ZNF384: variants seen among roughly 807,000 people sequenced by gnomAD.
ZNF384 encodes the protein zinc finger protein 384.
A neutral mutation model predicts 65.0 loss-of-function variants in ZNF384; 20 were observed. The ratio of observed to expected loss-of-function variants is 0.31; its 90% CI spans 0.22 to 0.45. The LOEUF (loss-of-function observed/expected upper bound fraction) is 0.45. Among genes scored for constraint, ZNF384 ranks in the 20% least tolerant of loss-of-function variants. The pLI is 1.00. For missense variants in ZNF384, 549 were observed against 769.4 expected, an observed-to-expected ratio of 0.71 and a Z score of 3.39; for synonymous variants, 310 against 303.9, an observed-to-expected ratio of 1.02 and a Z score of -0.21.
chr12:6,667,349 G>T lies in ZNF384; in HGVS notation c.*365C>A. ...AGGGCCAGCCTCTAGTCTTACATCA[G>T]CCCAAACTTTGAGGATAAGGAGGGT... On this transcript the variant is annotated 3_prime_UTR_variant, in exon 12 of 12. Transcript: ENST00000683879. 2.3e-6 allele frequency: 1 copy of T among 432,836 alleles called. No individual in the cohort carries two copies. Among genetic ancestry groups the T allele is most frequent in the Non-Finnish European group, 4.3e-6 (1 of 231,372 alleles). The allele number at this position is 432,836 out of a possible 1,614,324, so 26.8% of individuals were successfully genotyped here.
At chr12:6,679,908 G>C (rs1955274499) in intron 2 of ZNF384, among the ~76,000 whole-genome samples, 1 of 152,164 alleles carries the variant, frequency 6.6e-6, no homozygotes, top group African/African-American at 2.4e-5. Flanking sequence ...CTTGAAAACG[G>C]CCAGGTGCCA....
Position 6,668,102 on chromosome 12 carries a change from A to T in ZNF384, c.1439T>A (p.Met480Lys). The T allele has an allele frequency of 6.3e-7, 1 of 1,594,768 alleles. No homozygotes were observed. The highest frequency in any genetic ancestry group is 8.6e-7 in the Non-Finnish European group (1 of 1,168,994). Residue 480 changes from methionine (M) to lysine (K), a missense_variant, in exon 12 of 12, where the codon ATG becomes AAG. This residue lies in a region of ZNF384 where 136 missense variants were observed against 183.0 expected (regional missense o/e 0.74). Transcript: ENST00000683879. Reference protein sequence around the residue: ...SRAYTSETYLMKHMRKHNPPD... With the variant: ...SRAYTSETYLKKHMRKHNPPD... ...CGGGTTGTGTTTGCGCATATGTTTCATAAGGTATGTTTCCTGAGGGAGATG... is the reference window on the plus strand; with the variant it reads ...CGGGTTGTGTTTGCGCATATGTTTCTTAAGGTATGTTTCCTGAGGGAGATG...
At position 6,673,470 on chromosome 12, in the gene ZNF384, C is replaced by T; in HGVS notation, c.780-30G>A. ...GCCAAGTGAGGGCAATGGTTAGAAC[C>T]CTTCCCATCAAGAAGGTGTGGCTGA... is the stretch of plus-strand genomic sequence containing the variant. On this transcript the variant is annotated intron_variant, in intron 7 of 11. Transcript: ENST00000683879. The surrounding 1 kb of genome is among the most constrained non-coding windows in gnomAD (Gnocchi z 4.7). 1 of 1,602,750 alleles carries T rather than the reference C, an allele frequency of 6.2e-7. No individual in the cohort carries two copies. The highest frequency in any genetic ancestry group is 8.5e-7 in the Non-Finnish European group (1 of 1,171,956).
In ZNF384 at chr12:6,669,139, A is replaced by G; in HGVS notation, c.1317T>C (p.Cys439=). ...AGGCTGCATCCGTGTACGCCCGATG[A>G]CAGTTGTGGCACTTGAAGGGTTTAT... The part of the protein sequence containing the change: ...NKDKPFKCHN[C]HRAYTDAASL... The change falls in exon 11 of 12, where the codon TGT becomes TGC. Residue 439 remains cysteine (C), a synonymous_variant. Coordinates refer to ENST00000683879, the MANE Select transcript of ZNF384 (RefSeq NM_001385745.1). 6.2e-7 allele frequency: 1 copy of G among 1,613,766 alleles called. No individual in the cohort carries two copies. Among genetic ancestry groups the G allele is most frequent in the Non-Finnish European group, 8.5e-7 (1 of 1,179,816 alleles).
At chr12:6,670,663 G>C in intron 10 of ZNF384, 97 bp downstream of exon 10, 1 of 1,135,210 alleles carries the variant, frequency 8.8e-7, no homozygotes. Flanking sequence ...TAATGTTTGA[G>C]TGTAAAGGAG....
chr12:6,684,037 A>C (rs1311507767), intron 2 of ZNF384, among the ~76,000 whole-genome samples: 1 of 152,196 alleles, frequency 6.6e-6, no homozygotes, highest in African/African-American at 2.4e-5. Flanking sequence ...ACTGGTGGAC[A>C]ATATCACCAC....
At chr12:6,671,828 C>T (rs1179819871) in intron 9 of ZNF384, 1 of 153,218 alleles carries the variant, frequency 6.5e-6, no homozygotes, top group African/African-American at 2.4e-5. Context: ...TGCTGATTCT[C>T]TCTGAACATT....
intron 2 of ZNF384, among the ~76,000 whole-genome samples, chr12:6,681,911 A>G (rs112936609): frequency 0.031 from 4,645 of 152,276 alleles, 86 homozygotes; most frequent in Admixed American, 0.045. Flanking sequence ...GTATACATCA[A>G]TTCTGTTTTC....
At chr12:6,671,760 G>A (rs1010417985) in intron 9 of ZNF384, 5 of 152,600 alleles carry the variant, frequency 3.3e-5, no homozygotes, top group African/African-American at 1.2e-4. Flanking sequence ...AGTCACTCCA[G>A]ATTCACGGGA....
At chr12:6,682,310 A>C (rs1956274486) in intron 2 of ZNF384, among the ~76,000 whole-genome samples, 1 of 148,268 alleles carries the variant, frequency 6.7e-6, no homozygotes, top group African/African-American at 2.5e-5. Flanking sequence ...ACAGAGCAAG[A>C]CCCCAACTCC....
In ZNF384 at chr12:6,678,738, C is replaced by A. The variant is rs745683432; in HGVS notation, c.305-28G>T. On this transcript the variant is annotated intron_variant, in intron 4 of 11. Transcript: ENST00000683879. The surrounding 1 kb of genome is among the most constrained non-coding windows in gnomAD (Gnocchi z 4.9). ...TGATTCAGAGAAGGAAAGAATGTCA[C>A]CTCCTCAAAGGCAGGGACCGCATCT... The A allele has an allele frequency of 2.5e-6, 4 of 1,613,418 alleles. No homozygotes were observed. Among genetic ancestry groups the A allele is most frequent in the Non-Finnish European group, 3.4e-6 (4 of 1,179,426 alleles).
intron 2 of ZNF384, among the ~76,000 whole-genome samples, chr12:6,684,859 C>T (rs568928846): frequency 1.3e-5 from 2 of 152,208 alleles, no homozygotes; most frequent in East Asian, 3.9e-4. Context: ...TGTAACAGGG[C>T]GTTCTGGGGC....
Position 6,667,846 on chromosome 12 carries a change from C to T in ZNF384, c.1695G>A (p.Gly565=). The change falls in exon 12 of 12, where the codon GGG becomes GGA. Residue 565 remains glycine (G), a synonymous_variant. Transcript: ENST00000683879. ...PGAAPQGGGG[G]DSNPNPPPQC... is the part of the protein sequence containing the mutation. ...GGGGTGGAGGGTTGGGATTGCTGTC[C>T]CCACCACCCCCACCCTGGGGGGCTG... is the stretch of plus-strand genomic sequence containing the variant. The T allele has an allele frequency of 1.2e-6, 2 of 1,614,110 alleles. No homozygotes were observed. The highest frequency in any genetic ancestry group is 2.2e-5 in the East Asian group (1 of 44,870).
intron 3 of ZNF384, 128 bp downstream of exon 3, chr12:6,679,327 G>C: frequency 1.6e-6 from 2 of 1,217,626 alleles, no homozygotes; most frequent in Non-Finnish European, 1.2e-6. Flanking sequence ...GAGAAGCCCA[G>C]GCAGAAACAC....
chr12:6,668,699 C>CT (rs1950404839), intron 11 of ZNF384, among the ~76,000 whole-genome samples: 2 of 145,038 alleles, frequency 1.4e-5, no homozygotes, highest in African/African-American at 5.2e-5. Context: ...CAGGGCGAGA[C>CT]TGTGTCTCAA....
Position 6,672,389 on chromosome 12 carries a change from T to G in ZNF384, c.1148A>C (p.Lys383Thr), listed in dbSNP as rs1951838108. Residue 383 changes from lysine to threonine, a missense_variant, in exon 9 of 12, where the codon AAG becomes ACG. By Grantham distance (78) the Lys-to-Thr change is moderately conservative (BLOSUM62 -1). Around this residue, in one of 5 missense-constraint regions of ZNF384, gnomAD observed 59 missense variants for 63.6 expected, o/e 0.93. Coordinates refer to ENST00000683879, the MANE Select transcript of ZNF384 (RefSeq NM_001385745.1). This position sits in a 1 kb window ranked among gnomAD's most constrained non-coding sequence, Gnocchi z 4.4. ...AKPYNCSYCQ[K>T]AFRQLSHLQQ... ...GAGGTGGGAGAGCTGGCGGAAGGCC[T>G]TCTGGCAGTAGGAACAGTTGTAGGG... 3.1e-6 allele frequency: 5 copies of G among 1,614,094 alleles called. No homozygotes were observed. Among genetic ancestry groups the G allele is most frequent in the Non-Finnish European group, 4.2e-6 (5 of 1,179,928 alleles).
At chr12:6,674,395 G>A (rs929245064) in intron 7 of ZNF384, among the ~76,000 whole-genome samples, 2 of 152,160 alleles carry the variant, frequency 1.3e-5, no homozygotes, top group East Asian at 1.9e-4. Flanking sequence ...TTTCATTTTC[G>A]TAAACAATTC....
intron 2 of ZNF384, among the ~76,000 whole-genome samples, chr12:6,686,335 C>A (rs949331738): frequency 2.0e-5 from 3 of 152,150 alleles, no homozygotes; most frequent in African/African-American, 7.2e-5. Context: ...CTCACTGCAA[C>A]CTCCACCTCC....
At chr12:6,687,158 TA>T (rs1447652714) in intron 2 of ZNF384, among the ~76,000 whole-genome samples, 1 of 152,164 alleles carries the variant, frequency 6.6e-6, no homozygotes. Context: ...CCAGTATCCA[TA>T]AACTCTTCCA....
Sources: allele counts gnomAD v4.1 joint callset (sites outside exome capture counted in the v4.1 genomes callset), GRCh38; gene constraint gnomAD v4.1.1; regional missense constraint gnomAD v4.1.1; non-coding constraint Gnocchi (gnomAD v3.1); transcripts MANE v1.5; gene names NCBI Gene and HGNC (gene_info 2026-07-23, HGNC 2026-07-21).